Variants in EPCIP observed in about 807,000 individuals in gnomAD.
EPCIP encodes exosomal polycystin-1-interacting protein.
chr21:32,806,808 G>A, the EPCIP span, among the ~76,000 whole-genome samples: 1 of 152,120 alleles, frequency 6.6e-6, no homozygotes, highest in Non-Finnish European at 1.5e-5. Flanking sequence ...GGTTTACTGT[G>A]GGGTTTTATT....
At chr21:32,811,441 T>C in the EPCIP span, among the ~76,000 whole-genome samples, 1 of 152,142 alleles carries the variant, frequency 6.6e-6, no homozygotes. Flanking sequence ...CCCATTTTCA[T>C]ATCAGGAAAT....
At chr21:32,810,498 T>A in the EPCIP span, 1 of 453,508 alleles carries the variant, frequency 2.2e-6, no homozygotes, top group African/African-American at 2.0e-5. Flanking sequence ...CCTGACCTCG[T>A]GATCCGCCCG....
the EPCIP span, among the ~76,000 whole-genome samples, chr21:32,795,073 C>T: frequency 6.6e-6 from 1 of 152,172 alleles, no homozygotes; most frequent in Non-Finnish European, 1.5e-5. Flanking sequence ...CCTCCCATCC[C>T]CACCATATTA....
chr21:32,796,484 A>G, the EPCIP span, among the ~76,000 whole-genome samples: 1 of 152,210 alleles, frequency 6.6e-6, no homozygotes, highest in Non-Finnish European at 1.5e-5. Context: ...AGAGAGAGAG[A>G]GAGATTCGAC....
chr21:32,800,260 T>C, the EPCIP span, among the ~76,000 whole-genome samples: 1 of 152,216 alleles, frequency 6.6e-6, no homozygotes. Context: ...GTATAAACAT[T>C]ATCTAAATGT....
At chr21:32,793,932 A>G in the EPCIP span, 45 of 1,614,188 alleles carry the variant, frequency 2.8e-5, no homozygotes, top group South Asian at 4.1e-4. Context: ...ATATACATAC[A>G]TGGCTGCCAG....
At chr21:32,794,321 A>C in the EPCIP span, 1 of 1,614,244 alleles carries the variant, frequency 6.2e-7, no homozygotes, top group Non-Finnish European at 8.5e-7. Context: ...TTCCCTTGTG[A>C]AGATGAGCGT....
At chr21:32,809,279 C>CTGTCTTT in the EPCIP span, among the ~76,000 whole-genome samples, 1 of 79,968 alleles carries the variant, frequency 1.3e-5, no homozygotes, top group African/African-American at 4.6e-5. Flanking sequence ...CTCCCTCCTT[C>CTGTCTTT]CTTTCTTTCT....
At chr21:32,804,275 T>TTATATATATATATATATA in the EPCIP span, among the ~76,000 whole-genome samples, 35 of 140,946 alleles carry the variant, frequency 2.5e-4, no homozygotes, top group African/African-American at 9.0e-4. Flanking sequence ...ATGCATGTGA[T>TTATATATATATATATATA]TATATATATA....
At chr21:32,809,797 TCTC>T in the EPCIP span, among the ~76,000 whole-genome samples, 48 of 152,112 alleles carry the variant, frequency 3.2e-4, 1 homozygote, top group Middle Eastern at 9.5e-3. Flanking sequence ...TCTTCAAATC[TCTC>T]CTCTTTCATG....
chr21:32,802,197 T>C, the EPCIP span, among the ~76,000 whole-genome samples: 2 of 152,224 alleles, frequency 1.3e-5, no homozygotes, highest in African/African-American at 4.8e-5. Flanking sequence ...CCCTCCCCAA[T>C]AGATGTATCT....
the EPCIP span, among the ~76,000 whole-genome samples, chr21:32,803,596 G>A: frequency 6.6e-6 from 1 of 151,788 alleles, no homozygotes; most frequent in Non-Finnish European, 1.5e-5. Flanking sequence ...TTTGTTCCAC[G>A]AATGCACTGC....
At chr21:32,813,504 TC>T in the EPCIP span, 1 of 451,462 alleles carries the variant, frequency 2.2e-6, no homozygotes, top group Admixed American at 2.4e-5. Context: ...CCGTCACAGT[TC>T]CTGCCATGCA....
At chr21:32,797,111 A>G in the EPCIP span, 1 of 421,876 alleles carries the variant, frequency 2.4e-6, no homozygotes, top group African/African-American at 2.1e-5. Context: ...GGACATTAGG[A>G]AGCCCAAAGG....
chr21:32,812,368 A>G, the EPCIP span, among the ~76,000 whole-genome samples: 1 of 152,082 alleles, frequency 6.6e-6, no homozygotes, highest in East Asian at 1.9e-4. Flanking sequence ...GGGCCTATTG[A>G]CCTATTAGCT....
chr21:32,794,771 C>T, the EPCIP span, among the ~76,000 whole-genome samples: 27 of 152,308 alleles, frequency 1.8e-4, no homozygotes, highest in East Asian at 3.9e-3. Flanking sequence ...ACAGCCAGAG[C>T]GATGCCAGAG....
At chr21:32,791,257 T>C in the EPCIP span, 1 of 152,228 alleles carries the variant, frequency 6.6e-6, no homozygotes, top group Non-Finnish European at 1.5e-5. Context: ...TTTCTGTTGG[T>C]TTAAGTCCCA....
the EPCIP span, chr21:32,810,481 T>C: frequency 4.6e-6 from 2 of 437,892 alleles, no homozygotes; most frequent in Non-Finnish European, 9.2e-6. Context: ...TAGGATGGTC[T>C]GACTCTCCTG....
chr21:32,809,312 CTTTCTTTCTTTCTTTCTTTCTT>C, the EPCIP span, among the ~76,000 whole-genome samples: 1 of 132,108 alleles, frequency 7.6e-6, no homozygotes, highest in Admixed American at 8.1e-5. Context: ...TTCTTTCTTT[CTTTCTTTCTTTCTTTCTTTCTT>C]TCTTTCTTTC....
Sources: gnomAD v4.1 joint callset for allele counts (sites outside exome capture counted in the v4.1 genomes callset) on GRCh38, gnomAD v4.1.1 for gene constraint, MANE v1.5 for transcripts, NCBI Gene and HGNC (gene_info 2026-07-23, HGNC 2026-07-21) for gene names.